The following STK3 variants were observed in gnomAD, a reference collection of about 807,000 sequenced individuals.
STK3 encodes the protein serine/threonine-protein kinase 3.
Under a neutral mutation model 58.0 loss-of-function variants are expected in STK3, and 41 were observed. The ratio of observed to expected loss-of-function variants is 0.71; its 90% CI spans 0.55 to 0.92. The LOEUF (loss-of-function observed/expected upper bound fraction) is 0.92. Ranked by LOEUF, STK3 falls within the 40% of genes least tolerant of loss-of-function variation. The probability of loss-of-function intolerance (pLI) is 0.00; values close to 1 mark genes in which losing one functional copy is unlikely to be tolerated. For synonymous variants in STK3, 170 were observed against 191.0 expected, an observed-to-expected ratio of 0.89 and a Z score of 0.91; for missense variants, 479 against 602.7, an observed-to-expected ratio of 0.79 and a Z score of 2.15.
intron 3 of STK3, among the ~76,000 whole-genome samples, chr8:98,421,757 C>G (rs1055391736): frequency 4.6e-5 from 7 of 152,138 alleles, no homozygotes; most frequent in Non-Finnish European, 7.4e-5. Flanking sequence ...GCCTGGGTGA[C>G]AGAGGAAGAC....
chr8:98,392,031 T>C (rs2131013974), upstream of STK3, among the ~76,000 whole-genome samples: 1 of 152,342 alleles, frequency 6.6e-6, no homozygotes, highest in East Asian at 1.9e-4. Flanking sequence ...TAGTAAACAT[T>C]AGTCATCTCC....
At chr8:98,816,853 T>C (rs1016451234) in intron 1 of STK3, among the ~76,000 whole-genome samples, 3 of 152,068 alleles carry the variant, frequency 2.0e-5, no homozygotes, top group African/African-American at 7.2e-5. Flanking sequence ...TATTTCTTAA[T>C]CATCAAGACT....
chr8:98,738,758 C>G (rs1828869028), intron 4 of STK3, among the ~76,000 whole-genome samples: 2 of 152,234 alleles, frequency 1.3e-5, no homozygotes, highest in Admixed American at 1.3e-4. Context: ...GGGTGCAGCG[C>G]ACCGTGTGCG....
chr8:98,410,831 G>C (rs1586551741), intron 3 of STK3, among the ~76,000 whole-genome samples: 1 of 152,168 alleles, frequency 6.6e-6, no homozygotes, highest in South Asian at 2.1e-4. Flanking sequence ...AGAGAAGAAA[G>C]GGGAAGAGTG....
chr8:98,416,691 G>T (rs956918346), intron 3 of STK3, among the ~76,000 whole-genome samples: 2 of 152,144 alleles, frequency 1.3e-5, no homozygotes, highest in Non-Finnish European at 2.9e-5. Flanking sequence ...TAATTAAACT[G>T]CCCTAAATTA....
intron 1 of STK3, among the ~76,000 whole-genome samples, chr8:98,793,569 C>G (rs1427251794): frequency 1.3e-5 from 2 of 152,072 alleles, no homozygotes; most frequent in Non-Finnish European, 2.9e-5. Context: ...TAGGAAAAGA[C>G]TTAAACAACC....
At chr8:98,673,600 G>T (rs1192704039) in intron 6 of STK3, among the ~76,000 whole-genome samples, 1 of 151,948 alleles carries the variant, frequency 6.6e-6, no homozygotes, top group Non-Finnish European at 1.5e-5. Context: ...GATCGGAGGG[G>T]TGGGGAGGGG....
At chr8:98,829,757 T>A (rs1835458283), upstream of STK3, among the ~76,000 whole-genome samples, 1 of 152,208 alleles carries the variant, frequency 6.6e-6, no homozygotes, top group African/African-American at 2.4e-5. Context: ...GGCACTGTTC[T>A]AGGTGCTGGA....
chr8:98,752,450 T>C (rs1830043998), intron 3 of STK3, among the ~76,000 whole-genome samples: 1 of 152,110 alleles, frequency 6.6e-6, no homozygotes, highest in Non-Finnish European at 1.5e-5. Context: ...TTCAAAAATT[T>C]AACTCAAGAT....
intron 1 of STK3, among the ~76,000 whole-genome samples, chr8:98,941,929 G>A (rs774093982): frequency 5.3e-5 from 8 of 152,236 alleles, no homozygotes; most frequent in Non-Finnish European, 1.2e-4. Flanking sequence ...CCCCGGGGCC[G>A]CGGCAGGAAT....
intron 10 of STK3, among the ~76,000 whole-genome samples, chr8:98,510,119 G>T (rs1035887757): frequency 1.3e-5 from 2 of 152,034 alleles, no homozygotes; most frequent in Admixed American, 6.6e-5. Context: ...GCAGAAACTG[G>T]CAAAATAAAA....
intron 10 of STK3, among the ~76,000 whole-genome samples, chr8:98,458,102 T>TAC (rs1586606927): frequency 8.1e-6 from 1 of 123,310 alleles, no homozygotes; most frequent in African/African-American, 3.3e-5. Flanking sequence ...CAATATCACA[T>TAC]ACACACACAT....
intron 1 of STK3, among the ~76,000 whole-genome samples, chr8:98,783,914 C>A (rs1832286042): frequency 6.6e-6 from 1 of 152,180 alleles, no homozygotes; most frequent in African/African-American, 2.4e-5. Context: ...GTGACAGACA[C>A]CTCAGATCCA....
chr8:98,858,355 G>GAGAGAGAGAGAGAC (rs1564065958), intron 3 of STK3, among the ~76,000 whole-genome samples: 4 of 137,634 alleles, frequency 2.9e-5, no homozygotes, highest in East Asian at 2.2e-4. Context: ...GAGAGAGAGA[G>GAGAGAGAGAGAGAC]AGAGACAGAG....
chr8:98,759,520 G>A (rs781677282), intron 3 of STK3, among the ~76,000 whole-genome samples: 7 of 151,864 alleles, frequency 4.6e-5, no homozygotes, highest in East Asian at 1.9e-4. Flanking sequence ...TAATGAAAAC[G>A]TCTGAAATAT....
chr8:98,362,400 C>G, the STK3 span, among the ~76,000 whole-genome samples: 1 of 152,148 alleles, frequency 6.6e-6, no homozygotes. Flanking sequence ...TGCACACTCC[C>G]TTTACAGGTT....
chr8:98,588,378 G>A (rs1269496495), intron 7 of STK3, among the ~76,000 whole-genome samples: 10 of 151,572 alleles, frequency 6.6e-5, no homozygotes, highest in Admixed American at 1.3e-4. Context: ...GGCTGGATAT[G>A]AAATTCTGGG....
chr8:98,737,871 C>A (rs1280776898), intron 4 of STK3, among the ~76,000 whole-genome samples: 4 of 152,086 alleles, frequency 2.6e-5, no homozygotes, highest in East Asian at 1.9e-4. Context: ...GCACACCCAG[C>A]TAATTTTTTT....
chr8:98,921,074 G>C (rs781163665), intron 1 of STK3, among the ~76,000 whole-genome samples: 30 of 152,202 alleles, frequency 2.0e-4, no homozygotes, highest in Non-Finnish European at 4.0e-4. Flanking sequence ...TCAGCCTGGT[G>C]CAAATGGATT....
Sources: gnomAD v4.1 joint callset for allele counts (sites outside exome capture counted in the v4.1 genomes callset) on GRCh38, gnomAD v4.1.1 for gene constraint, MANE v1.5 for transcripts, NCBI Gene and HGNC (gene_info 2026-07-23, HGNC 2026-07-21) for gene names.